The following C8orf34 variants were observed in gnomAD, a reference collection of about 807,000 sequenced individuals.
C8orf34 encodes the protein uncharacterized protein C8orf34.
C8orf34 carries 65 observed loss-of-function variants against 68.3 expected under a neutral mutation model. That is an observed-to-expected ratio of 0.95 (90% CI 0.78 to 1.17). The LOEUF is 1.17. C8orf34 is among the 50% of genes most tolerant of loss of function. The probability of loss-of-function intolerance (pLI) is 0.00; values close to 1 mark genes in which losing one functional copy is unlikely to be tolerated. For missense variants in C8orf34, 664 were observed against 655.4 expected (o/e 1.01, Z -0.14); for synonymous variants, 244 against 241.2 (o/e 1.01, Z -0.11).
intron 10 of C8orf34, among the ~76,000 whole-genome samples, chr8:68,746,205 A>T (rs1202390885): frequency 6.6e-6 from 1 of 152,028 alleles, no homozygotes; most frequent in Admixed American, 6.6e-5. Context: ...AACACACAAC[A>T]TACCAGAATC....
chr8:68,526,388 A>G (rs1466658454), intron 6 of C8orf34, among the ~76,000 whole-genome samples: 1 of 152,140 alleles, frequency 6.6e-6, no homozygotes, highest in African/African-American at 2.4e-5. Context: ...ATACCAGGTA[A>G]TGTGCTAGAT....
Position 68,681,993 on chromosome 8 carries a change from A to G in C8orf34, c.1242-27001A>G, listed in dbSNP as rs573179540. ...TAATTGAATTCATGAAGAGATAGAA[A>G]GTAGAAGGATGGTTGCCAGAGACTA... On this transcript the variant is annotated intron_variant, in intron 8 of 13. Coordinates refer to ENST00000518698, the MANE Select transcript of C8orf34 (RefSeq NM_052958.4). Among the ~76,000 whole-genome samples, 30 of 152,246 alleles carry G rather than the reference A, an allele frequency of 2.0e-4. No homozygotes were observed. The South Asian group carries it at 6.2e-3, about 32-fold the overall frequency.
intron 10 of C8orf34, among the ~76,000 whole-genome samples, chr8:68,745,800 C>T (rs1415411813): frequency 2.0e-5 from 3 of 151,938 alleles, no homozygotes; most frequent in Admixed American, 1.3e-4. Context: ...ACTTTAACAC[C>T]CCACTATCAA....
At chr8:68,770,471 T>C (rs1055288131) in intron 10 of C8orf34, among the ~76,000 whole-genome samples, 3 of 152,254 alleles carry the variant, frequency 2.0e-5, no homozygotes, top group African/African-American at 7.2e-5. Context: ...AATTGACCAA[T>C]AATGTATGCT....
intron 7 of C8orf34, among the ~76,000 whole-genome samples, chr8:68,606,673 C>T (rs907284865): frequency 6.6e-6 from 1 of 151,810 alleles, no homozygotes; most frequent in East Asian, 1.9e-4. Context: ...CTAATCTTTA[C>T]TATTTTTTGG....
chr8:68,423,715 T>C (rs949386754), intron 1 of C8orf34, among the ~76,000 whole-genome samples: 1 of 152,162 alleles, frequency 6.6e-6, no homozygotes, highest in Non-Finnish European at 1.5e-5. Context: ...TAGGCTGCTC[T>C]AACACTGCTA....
At chr8:68,430,818 T>C (rs1810422339) in intron 1 of C8orf34, among the ~76,000 whole-genome samples, 1 of 152,124 alleles carries the variant, frequency 6.6e-6, no homozygotes, top group Non-Finnish European at 1.5e-5. Flanking sequence ...GTCGTTTCCT[T>C]ATCTTGAGAA....
chr8:68,809,795 T>C (rs963204348), intron 12 of C8orf34, among the ~76,000 whole-genome samples: 3 of 152,184 alleles, frequency 2.0e-5, no homozygotes, highest in Non-Finnish European at 4.4e-5. Flanking sequence ...TTTGAGCTAG[T>C]ATAGAAGTTG....
chr8:68,659,198 T>C (rs143709928), intron 8 of C8orf34, among the ~76,000 whole-genome samples: 66 of 152,278 alleles, frequency 4.3e-4, no homozygotes, highest in African/African-American at 1.5e-3. Context: ...GGGTTTCTGG[T>C]TGATGATTAT....
intron 1 of C8orf34, among the ~76,000 whole-genome samples, chr8:68,401,446 C>T (rs1343744529): frequency 6.6e-6 from 1 of 152,080 alleles, no homozygotes; most frequent in Non-Finnish European, 1.5e-5. Flanking sequence ...ACATCCTCGT[C>T]TTATTCTAAT....
chr8:68,769,296 A>AT (rs995872323), intron 10 of C8orf34, among the ~76,000 whole-genome samples: 22 of 150,842 alleles, frequency 1.5e-4, no homozygotes, highest in East Asian at 5.9e-4. Context: ...AAATCTCTTA[A>AT]TTTTTTTTTA....
intron 5 of C8orf34, among the ~76,000 whole-genome samples, chr8:68,521,003 T>C (rs1814730905): frequency 6.6e-6 from 1 of 152,226 alleles, no homozygotes; most frequent in African/African-American, 2.4e-5. Context: ...ATTTTACCAT[T>C]GTTTTCCTCA....
chr8:68,576,601 G>C (rs1816913551), intron 7 of C8orf34, among the ~76,000 whole-genome samples: 1 of 148,474 alleles, frequency 6.7e-6, no homozygotes, highest in African/African-American at 2.6e-5. Flanking sequence ...ATATATTAAT[G>C]GTGAAAATTT....
In C8orf34 at chr8:68,716,795, G is replaced by A. The variant is rs144714542; in HGVS notation, c.1328-4566G>A. ...CTAGGTAAATGCCTTAGAGAAATAA[G>A]TATCATATAGCATGAAATATGAACA... On this transcript the variant is annotated intron_variant, in intron 9 of 13. Coordinates refer to ENST00000518698, the MANE Select transcript of C8orf34 (RefSeq NM_052958.4). Among the ~76,000 whole-genome samples, 142 of 152,012 alleles carry A rather than the reference G, an allele frequency of 9.3e-4. 1 individual carries two copies. Among genetic ancestry groups the A allele is most frequent in the African/African-American group, 3.2e-3 (133 of 41,516 alleles).
intron 1 of C8orf34, among the ~76,000 whole-genome samples, chr8:68,397,304 A>G (rs1808758204): frequency 6.6e-6 from 1 of 152,076 alleles, no homozygotes; most frequent in South Asian, 2.1e-4. Context: ...TTTACATTGA[A>G]GCAATCTTTC....
intron 9 of C8orf34, among the ~76,000 whole-genome samples, chr8:68,718,411 A>G (rs189390755): frequency 7.0e-4 from 106 of 152,300 alleles, no homozygotes; most frequent in South Asian, 2.1e-3. Context: ...ATTAAATAAT[A>G]TATCAAAAAT....
intron 1 of C8orf34, among the ~76,000 whole-genome samples, chr8:68,367,825 A>C (rs1807352208): frequency 7.3e-6 from 1 of 136,934 alleles, no homozygotes; most frequent in African/African-American, 2.7e-5. Flanking sequence ...GGTGCAGCGC[A>C]CCAGCATGGC....
chr8:68,755,507 T>C (rs1324996523), intron 10 of C8orf34, among the ~76,000 whole-genome samples: 1 of 152,232 alleles, frequency 6.6e-6, no homozygotes, highest in Non-Finnish European at 1.5e-5. Flanking sequence ...AGATATCTGA[T>C]ACCAATTTTA....
At chr8:68,696,194 G>C (rs1325301399) in intron 8 of C8orf34, among the ~76,000 whole-genome samples, 1 of 149,068 alleles carries the variant, frequency 6.7e-6, no homozygotes, top group Non-Finnish European at 1.5e-5. Context: ...ACTAATATGT[G>C]TATATACTTT....
Sources: gnomAD v4.1 joint callset for allele counts (sites outside exome capture counted in the v4.1 genomes callset) on GRCh38, gnomAD v4.1.1 for gene constraint, MANE v1.5 for transcripts, NCBI Gene and HGNC (gene_info 2026-07-23, HGNC 2026-07-21) for gene names.